The following MRAP2 variants were observed in gnomAD, a reference collection of about 807,000 sequenced individuals.
MRAP2 encodes melanocortin-2 receptor accessory protein 2.
MRAP2 carries 20 observed loss-of-function variants against 17.4 expected under a neutral mutation model. The observed-to-expected ratio is 1.15, with a 90% CI of 0.81 to 1.67. The LOEUF is 1.67. Among genes scored for constraint, MRAP2 ranks in the 40% most tolerant of loss-of-function variants. The pLI, the probability that MRAP2 is intolerant of heterozygous loss-of-function variation, is 0.00. For synonymous variants in MRAP2, 96 were observed against 88.4 expected (o/e 1.09, Z -0.48); for missense variants, 238 against 240.0 (o/e 0.99, Z 0.05).
chr6:84,124,850 A>G, the MRAP2 span: 4 of 544,832 alleles, frequency 7.3e-6, no homozygotes, highest in African/African-American at 2.0e-5. Context: ...CTGTCCATAA[A>G]TCACTTAAAA....
the MRAP2 span, among the ~76,000 whole-genome samples, chr6:84,114,732 T>C: frequency 5.7e-3 from 869 of 152,324 alleles, 12 homozygotes; most frequent in African/African-American, 0.019. Flanking sequence ...TGCTCTTTGA[T>C]GTTGGTGACC....
At chr6:84,111,699 C>G in the MRAP2 span, among the ~76,000 whole-genome samples, 1 of 152,138 alleles carries the variant, frequency 6.6e-6, no homozygotes, top group African/African-American at 2.4e-5. Context: ...AAAGGGAATG[C>G]TTCCAGTTTT....
intron 3 of MRAP2, among the ~76,000 whole-genome samples, chr6:84,082,398 T>C (rs1038419783): frequency 1.3e-5 from 2 of 152,240 alleles, no homozygotes; most frequent in Non-Finnish European, 2.9e-5. Context: ...ATTATAGCCT[T>C]CATGAACCTT....
chr6:84,099,480 T>C, the MRAP2 span, among the ~76,000 whole-genome samples: 1 of 152,186 alleles, frequency 6.6e-6, no homozygotes, highest in African/African-American at 2.4e-5. Context: ...CCTCCGATGT[T>C]GGAGTTGGGC....
chr6:84,057,076 A>C (rs1182723116), intron 2 of MRAP2, among the ~76,000 whole-genome samples: 1 of 152,236 alleles, frequency 6.6e-6, no homozygotes, highest in East Asian at 1.9e-4. Context: ...AAGAGAGCTG[A>C]TAAGTAGCAG....
the MRAP2 span, among the ~76,000 whole-genome samples, chr6:84,138,258 G>A: frequency 6.6e-6 from 1 of 152,208 alleles, no homozygotes; most frequent in Admixed American, 6.5e-5. Flanking sequence ...TGAAACAACT[G>A]TTTTCAGACA....
chr6:84,132,672 G>A, the MRAP2 span, among the ~76,000 whole-genome samples: 123 of 152,060 alleles, frequency 8.1e-4, 1 homozygote, highest in East Asian at 0.019. Flanking sequence ...CATAGTTCTC[G>A]TGCCATGGTT....
chr6:84,049,366 A>G (rs2099489818), intron 1 of MRAP2, among the ~76,000 whole-genome samples: 2 of 152,126 alleles, frequency 1.3e-5, no homozygotes, highest in South Asian at 2.1e-4. Context: ...CGGAGGTTGC[A>G]GTGAGCCAAG....
chr6:84,141,870 C>T, the MRAP2 span, among the ~76,000 whole-genome samples: 3 of 152,036 alleles, frequency 2.0e-5, no homozygotes, highest in Non-Finnish European at 4.4e-5. Context: ...TAAGACTGTC[C>T]TGTGCTCAAG....
Position 84,089,218 on chromosome 6 carries a change from T to G in MRAP2, c.355T>G (p.Tyr119Asp), listed in dbSNP as rs756276411. ...GGAGTCCAGGTCTCTCTTTCACTGCTACATCAATGAGGTGGAACGCTTGGA... is the reference window on the plus strand; with the variant it reads ...GGAGTCCAGGTCTCTCTTTCACTGCGACATCAATGAGGTGGAACGCTTGGA... Reference protein sequence around the residue: ...NEESRSLFHCYINEVERLDRA... With the variant: ...NEESRSLFHCDINEVERLDRA... The change falls in exon 4 of 4, where the codon TAC (tyrosine) becomes GAC (aspartate). Residue 119 changes from tyrosine to aspartate, a missense_variant. Transcript: ENST00000257776. 10 of 1,614,228 alleles carry G rather than the reference T, an allele frequency of 6.2e-6. No individual in the cohort carries two copies. Among genetic ancestry groups the G allele is most frequent in the Non-Finnish European group, 8.5e-6 (10 of 1,180,040 alleles).
intron 1 of MRAP2, among the ~76,000 whole-genome samples, chr6:84,041,065 C>T (rs960913553): frequency 2.0e-5 from 3 of 152,102 alleles, no homozygotes; most frequent in Admixed American, 1.3e-4. Context: ...GGGTTCAGGC[C>T]CCCCCTGCTG....
the MRAP2 span, among the ~76,000 whole-genome samples, chr6:84,140,867 A>G: frequency 6.6e-6 from 1 of 152,188 alleles, no homozygotes; most frequent in Non-Finnish European, 1.5e-5. Flanking sequence ...GGTCTAGAGC[A>G]GCAGTTCCCA....
chr6:84,041,559 C>G (rs1051195877), intron 1 of MRAP2, among the ~76,000 whole-genome samples: 1 of 152,264 alleles, frequency 6.6e-6, no homozygotes, highest in African/African-American at 2.4e-5. Context: ...GGGCTGTACC[C>G]TACAAAGCCA....
the MRAP2 span, among the ~76,000 whole-genome samples, chr6:84,105,702 C>T: frequency 0.23 from 34,212 of 152,052 alleles, 8,189 homozygotes; most frequent in African/African-American, 0.61. Flanking sequence ...CCCTTGGCAG[C>T]CTGGATTAGT....
chr6:84,081,027 A>G (rs2099498829), intron 3 of MRAP2, among the ~76,000 whole-genome samples: 1 of 152,242 alleles, frequency 6.6e-6, no homozygotes, highest in African/African-American at 2.4e-5. Flanking sequence ...ATTTTATTAC[A>G]TGGCATCCCA....
At chr6:84,079,111 G>T (rs753863967) in intron 3 of MRAP2, among the ~76,000 whole-genome samples, 4 of 152,100 alleles carry the variant, frequency 2.6e-5, no homozygotes, top group Non-Finnish European at 5.9e-5. Context: ...TTTCAACAAC[G>T]TTCAAAGTAG....
chr6:84,102,858 A>G, the MRAP2 span, among the ~76,000 whole-genome samples: 2 of 152,144 alleles, frequency 1.3e-5, no homozygotes, highest in Non-Finnish European at 2.9e-5. Context: ...GCAATTTTTT[A>G]GGAAGAACTA....
intron 3 of MRAP2, among the ~76,000 whole-genome samples, chr6:84,063,785 G>T (rs975964164): frequency 1.6e-4 from 25 of 152,150 alleles, no homozygotes; most frequent in Admixed American, 1.5e-3. Context: ...GGTGGCTCAC[G>T]CCTGTAATCC....
At chr6:84,128,475 A>G in the MRAP2 span, among the ~76,000 whole-genome samples, 1 of 152,164 alleles carries the variant, frequency 6.6e-6, no homozygotes, top group Non-Finnish European at 1.5e-5. Context: ...GTAATGATTA[A>G]TAAGAGCCTG....
Sources: allele counts gnomAD v4.1 joint callset (sites outside exome capture counted in the v4.1 genomes callset), GRCh38; gene constraint gnomAD v4.1.1; transcripts MANE v1.5; gene names NCBI Gene and HGNC (gene_info 2026-07-23, HGNC 2026-07-21).